CENPU: variants seen among roughly 807,000 people sequenced by gnomAD.
CENPU encodes the protein KSHV latent nuclear antigen interacting protein 1.
Under a neutral mutation model 56.7 loss-of-function variants are expected in CENPU, and 46 were observed. That is an observed-to-expected ratio of 0.81 (90% CI 0.64 to 1.04). The LOEUF is 1.04. Among genes scored for constraint, CENPU ranks in the 50% least tolerant of loss-of-function variants. The probability of loss-of-function intolerance (pLI) is 0.00; values close to 1 mark genes in which losing one functional copy is unlikely to be tolerated. For synonymous variants in CENPU, 166 were observed against 163.0 expected (o/e 1.02, Z -0.14); for missense variants, 510 against 490.1 (o/e 1.04, Z -0.38).
At chr4:184,698,549 C>T (rs2150199727) in intron 11 of CENPU, among the ~76,000 whole-genome samples, 1 of 152,278 alleles carries the variant, frequency 6.6e-6, no homozygotes, top group South Asian at 2.1e-4. Flanking sequence ...CTCCCAGGTT[C>T]AAGTGATTCT....
chr4:184,715,855 A>G (rs541609402), intron 6 of CENPU, among the ~76,000 whole-genome samples: 1 of 152,236 alleles, frequency 6.6e-6, no homozygotes, highest in African/African-American at 2.4e-5. Context: ...AACAGCATAG[A>G]CCAAAAAACA....
intron 4 of CENPU, among the ~76,000 whole-genome samples, chr4:184,721,480 G>T (rs1196134948): frequency 2.5e-4 from 10 of 40,786 alleles, no homozygotes; most frequent in Non-Finnish European, 1.5e-4. Context: ...AAAAAAAAAG[G>T]ACCCAATGAT....
intron 6 of CENPU, 133 bp from the exon 7 acceptor site, chr4:184,713,146 T>C (rs1280164774): frequency 8.7e-6 from 5 of 571,832 alleles, no homozygotes; most frequent in Non-Finnish European, 9.1e-6. Flanking sequence ...ATCCCAGCAC[T>C]TTGGGAGGCT....
chr4:184,716,227 G>A (rs2017101), intron 6 of CENPU, among the ~76,000 whole-genome samples, 170 bp downstream of exon 6: 27,140 of 152,052 alleles, frequency 0.18, 2,730 homozygotes, highest in African/African-American at 0.26. Flanking sequence ...GAGCCACCTC[G>A]CCCGGCCATA....
chr4:184,694,190 A>T lies in CENPU; in HGVS notation c.*1098T>A. The T allele has an allele frequency of 9.6e-7, 1 of 1,040,166 alleles. No homozygotes were observed. The highest frequency in any genetic ancestry group is 4.2e-5 in the South Asian group (1 of 23,678). 64.4% of individuals were successfully genotyped at this position (1,040,166 alleles called of 1,614,324 possible). A position where few individuals can be genotyped will look rare whatever the true frequency, so the allele number is the denominator to read the frequency against. ...AGTCCATTGTCAAGATAGCAAATTT[A>T]TCTTCTGATTTGTCTTCAGCTGGAC... is the stretch of plus-strand genomic sequence containing the variant. On this transcript the variant is annotated 3_prime_UTR_variant, in exon 13 of 13. Coordinates refer to ENST00000281453, the MANE Select transcript of CENPU (RefSeq NM_024629.4).
Position 184,699,508 on chromosome 4 carries a change from T to C in CENPU, c.986+1312A>G, listed in dbSNP as rs1760458280. On this transcript the variant is annotated intron_variant, in intron 11 of 12. Coordinates refer to ENST00000281453, the MANE Select transcript of CENPU (RefSeq NM_024629.4). ...AGTGCCCTGCCACACAGGAAGCTTG[T>C]AAATGTTAGCTTTCCCTATTATATT... is the stretch of plus-strand genomic sequence containing the variant. The C allele has an allele frequency of 8.0e-5, 98 of 1,229,896 alleles. 1 individual carries two copies. The South Asian group carries it at 1.2e-3, about 15-fold the overall frequency. 76.2% of individuals were successfully genotyped at this position (1,229,896 alleles called of 1,614,324 possible). A position where few individuals can be genotyped will look rare whatever the true frequency, so the allele number is the denominator to read the frequency against.
Position 184,734,001 on chromosome 4 carries a change from G to C in CENPU, c.47+15C>G. On this transcript the variant is annotated intron_variant, in intron 1 of 12. Transcript: ENST00000281453. ...GGTCTCCGGCCCCGCGCTCCCGAGG[G>C]TCGGCAGTACTTACCCCTCAGACCT... The C allele has an allele frequency of 6.2e-7, 1 of 1,609,920 alleles. No individual in the cohort carries two copies. The highest frequency in any genetic ancestry group is 8.5e-7 in the Non-Finnish European group (1 of 1,178,852).
rs1369324631 is a variant in CENPU at position 184,694,467 on chromosome 4, T to C, written c.*821A>G. 1 of 1,573,746 alleles carries C rather than the reference T, an allele frequency of 6.4e-7. No homozygotes were observed. The highest frequency in any genetic ancestry group is 1.2e-5 in the South Asian group (1 of 85,634). On this transcript the variant is annotated 3_prime_UTR_variant, in exon 13 of 13. Coordinates refer to ENST00000281453, the MANE Select transcript of CENPU (RefSeq NM_024629.4). ...ATAGAGTATAAGGTTAAATCACATA[T>C]CCTGAGTAAATATTTTCCTATCCCA...
At chr4:184,725,095 A>T in intron 3 of CENPU, 33 bp from the exon 4 acceptor site, 22 of 1,419,278 alleles carry the variant, frequency 1.6e-5, no homozygotes, top group Non-Finnish European at 2.1e-5. Context: ...CACAACTTTA[A>T]AAGTCTGGCT....
chr4:184,702,510 T>C (rs1760569709), intron 8 of CENPU, 69 bp from the exon 9 acceptor site: 1 of 1,135,122 alleles, frequency 8.8e-7, no homozygotes, highest in Non-Finnish European at 1.3e-6. Context: ...TTGCTTAGCA[T>C]ACAAACAAAC....
intron 8 of CENPU, among the ~76,000 whole-genome samples, chr4:184,704,588 A>G (rs1344667108): frequency 2.0e-5 from 3 of 151,442 alleles, no homozygotes; most frequent in Non-Finnish European, 4.4e-5. Flanking sequence ...TGTATACATG[A>G]CTGAATATGA....
chr4:184,703,863 C>G (rs1431413820), intron 8 of CENPU, among the ~76,000 whole-genome samples: 2 of 152,132 alleles, frequency 1.3e-5, no homozygotes, highest in East Asian at 3.9e-4. Flanking sequence ...GTGGTAGACC[C>G]ATAAGACAAT....
intron 3 of CENPU, 30 bp downstream of exon 3, chr4:184,728,888 T>A: frequency 6.7e-7 from 1 of 1,503,254 alleles, no homozygotes; most frequent in Non-Finnish European, 9.2e-7. Context: ...GCTTTAGAGT[T>A]ATGTTAGGAT....
chr4:184,714,356 A>G (rs1240295907), intron 6 of CENPU, among the ~76,000 whole-genome samples: 1 of 152,178 alleles, frequency 6.6e-6, no homozygotes, highest in African/African-American at 2.4e-5. Context: ...GGACAGGTAA[A>G]AGACTATAGA....
intron 2 of CENPU, among the ~76,000 whole-genome samples, chr4:184,730,291 C>A (rs1243070197): frequency 6.6e-6 from 1 of 152,042 alleles, no homozygotes; most frequent in African/African-American, 2.4e-5. Context: ...TGAGCAAAAC[C>A]CTGCAGGGGG....
At chr4:184,699,662 G>GTC (rs557400972) in intron 11 of CENPU, 1,048 of 1,206,982 alleles carry the variant, frequency 8.7e-4, no homozygotes, top group Non-Finnish European at 9.8e-4. Context: ...TCCTGTGGCA[G>GTC]TCTCTCTTTT....
rs796983958 is a variant in CENPU, at chr4:184,710,264, G to C, written c.689-84C>G. 6.5e-5 allele frequency: 50 copies of C among 774,980 alleles called. No homozygotes were observed. The African/African-American group carries it at 8.1e-4, about 13-fold the overall frequency. 48.0% of individuals were successfully genotyped at this position (774,980 alleles called of 1,614,324 possible). On this transcript the variant is annotated intron_variant, in intron 7 of 12. Coordinates refer to ENST00000281453, the MANE Select transcript of CENPU (RefSeq NM_024629.4). Reference sequence around the variant, plus strand: ...GTTCTGAAAGCCTGACACAAAAATAGTCTCACCAAATTGTAAAAGATAGCT... The same window carrying C: ...GTTCTGAAAGCCTGACACAAAAATACTCTCACCAAATTGTAAAAGATAGCT...
At chr4:184,701,986 T>C (rs1262435905) in intron 10 of CENPU, 103 bp downstream of exon 10, 1 of 730,794 alleles carries the variant, frequency 1.4e-6, no homozygotes, top group Non-Finnish European at 2.3e-6. Context: ...GATTATGAAA[T>C]CTACTCACAC....
chr4:184,715,609 G>A (rs182738630), intron 6 of CENPU, among the ~76,000 whole-genome samples: 5 of 152,178 alleles, frequency 3.3e-5, no homozygotes, highest in East Asian at 3.9e-4. Flanking sequence ...CACCGTGCCC[G>A]CCTAAGACCC....
Sources: gnomAD v4.1 joint callset for allele counts (sites outside exome capture counted in the v4.1 genomes callset) on GRCh38, gnomAD v4.1.1 for gene constraint, MANE v1.5 for transcripts, NCBI Gene and HGNC (gene_info 2026-07-23, HGNC 2026-07-21) for gene names.